Variants in SNAPC3 observed in about 807,000 individuals in gnomAD.
The protein encoded by SNAPC3 is small nuclear RNA activating complex polypeptide 3, also known as snRNA-activating protein complex subunit 3.
SNAPC3 carries 56 observed loss-of-function variants against 47.7 expected under a neutral mutation model. The observed-to-expected ratio is 1.18, with a 90% CI of 0.95 to 1.47. SNAPC3 has a LOEUF of 1.47. Among genes scored for constraint, SNAPC3 ranks in the 40% most tolerant of loss-of-function variants. The pLI, the probability that SNAPC3 is intolerant of heterozygous loss-of-function variation, is 0.00. For missense variants in SNAPC3, 665 were observed against 511.3 expected (o/e 1.30, Z -2.90); for synonymous variants, 235 against 189.9 (o/e 1.24, Z -1.95).
chr9:15,437,229 G>A (rs1260560022), intron 3 of SNAPC3, among the ~76,000 whole-genome samples: 6 of 151,028 alleles, frequency 4.0e-5, no homozygotes, highest in Non-Finnish European at 8.9e-5. Flanking sequence ...AAGTGAAATT[G>A]TTTTCTTAAT....
At chr9:15,454,069 C>G (rs1315532484) in intron 7 of SNAPC3, among the ~76,000 whole-genome samples, 1 of 152,026 alleles carries the variant, frequency 6.6e-6, no homozygotes, top group Non-Finnish European at 1.5e-5. Context: ...ACCCTCTCTA[C>G]AAAGAATACA....
At chr9:15,430,644 T>C (rs1459075345) in intron 2 of SNAPC3, among the ~76,000 whole-genome samples, 2 of 152,212 alleles carry the variant, frequency 1.3e-5, no homozygotes, top group Non-Finnish European at 2.9e-5. Context: ...TTACTAGTGA[T>C]GTTTAGCTTG....
chr9:15,434,994 T>G (rs1239647971), intron 3 of SNAPC3, among the ~76,000 whole-genome samples: 1 of 152,166 alleles, frequency 6.6e-6, no homozygotes, highest in Admixed American at 6.5e-5. Flanking sequence ...GAGAAACCTG[T>G]TTTTCATAGC....
chr9:15,463,393 G>A (rs1251365176), downstream of SNAPC3: 1 of 149,278 alleles, frequency 6.7e-6, no homozygotes, highest in Non-Finnish European at 1.5e-5. Flanking sequence ...CCCGGCTGAT[G>A]TATGACTCTT....
chr9:15,440,622 T>C (rs892183813), intron 3 of SNAPC3, among the ~76,000 whole-genome samples: 4 of 152,098 alleles, frequency 2.6e-5, no homozygotes, highest in African/African-American at 7.2e-5. Flanking sequence ...TCCCAAGAGT[T>C]TGAGGCCAAT....
At chr9:15,443,715 C>T (rs2033700475) in intron 3 of SNAPC3, among the ~76,000 whole-genome samples, 2 of 152,150 alleles carry the variant, frequency 1.3e-5, no homozygotes, top group African/African-American at 4.8e-5. Context: ...CCAACCAAAA[C>T]ATAAAATCCT....
downstream of SNAPC3, chr9:15,463,213 CTCTTTTT>C (rs2035351923): frequency 2.9e-5 from 3 of 105,092 alleles, no homozygotes; most frequent in East Asian, 2.8e-4. Flanking sequence ...CATGGTATGA[CTCTTTTT>C]TTTTTTTTTT....
chr9:15,465,559 C>T (rs755087616), downstream of SNAPC3: 1 of 1,580,742 alleles, frequency 6.3e-7, no homozygotes, highest in Non-Finnish European at 8.7e-7. Flanking sequence ...ATATTTCAGT[C>T]TCTCTCTCTT....
At chr9:15,457,576 CAG>C (rs1414592728) in intron 7 of SNAPC3, among the ~76,000 whole-genome samples, 5 of 152,106 alleles carry the variant, frequency 3.3e-5, no homozygotes, top group Non-Finnish European at 7.4e-5. Context: ...GCCTGGGTAA[CAG>C]AGTAAGACCC....
At position 15,459,976 on chromosome 9, in the gene SNAPC3, G is replaced by A. The variant is rs925671830; in HGVS notation, c.*110G>A. 1.3e-4 allele frequency: 110 copies of A among 857,724 alleles called. 1 individual carries two copies. Among genetic ancestry groups the A allele is most frequent in the Middle Eastern group, 8.1e-4 (3 of 3,716 alleles). 53.1% of individuals were successfully genotyped at this position (857,724 alleles called of 1,614,324 possible). The stretch of plus-strand genomic sequence containing the variant: ...GAACAGGATCCACTTTGAACAGTCC[G>A]CTAAAGCTATCAAAAAAAAGTCCAA... On this transcript the variant is annotated 3_prime_UTR_variant, in exon 9 of 9. Coordinates refer to ENST00000380821, the MANE Select transcript of SNAPC3 (RefSeq NM_001039697.2).
At position 15,432,374 on chromosome 9, in the gene SNAPC3, A is replaced by G. The variant is rs374160840; in HGVS notation, c.393-1178A>G. ...CCTAGAAGCAGTGACTCCAGTAACA[A>G]TGAGAACGCCTAGAACCCAGATACT... On this transcript the variant is annotated intron_variant, in intron 2 of 8. Transcript: ENST00000380821. Among the ~76,000 whole-genome samples the G allele has an allele frequency of 1.1e-4, 16 of 152,268 alleles. No individual in the cohort carries two copies. The East Asian group carries it at 1.7e-3, about 17-fold the overall frequency.
chr9:15,430,436 A>G (rs552842917), intron 2 of SNAPC3, among the ~76,000 whole-genome samples: 191 of 152,328 alleles, frequency 1.3e-3, no homozygotes, highest in Non-Finnish European at 1.8e-3. Context: ...TGTCAAAAAA[A>G]CAAAAAGAAA....
intron 2 of SNAPC3, among the ~76,000 whole-genome samples, chr9:15,431,505 G>T (rs1364019578): frequency 1.3e-5 from 2 of 151,252 alleles, no homozygotes; most frequent in Non-Finnish European, 2.9e-5. Flanking sequence ...ATTGAACTCA[G>T]ATTGATACAG....
chr9:15,428,506 C>G (rs1240065537), intron 2 of SNAPC3, among the ~76,000 whole-genome samples: 1 of 67,608 alleles, frequency 1.5e-5, no homozygotes, highest in Non-Finnish European at 4.2e-5. Context: ...GAGACTCTGT[C>G]TCAAAAAAAA....
chr9:15,448,806 G>C (rs1563850587), intron 5 of SNAPC3, among the ~76,000 whole-genome samples: 1 of 152,042 alleles, frequency 6.6e-6, no homozygotes, highest in Non-Finnish European at 1.5e-5. Context: ...GGAAATACGA[G>C]ATTTATCTTT....
At chr9:15,432,066 G>A (rs187802465) in intron 2 of SNAPC3, 1 of 151,936 alleles carries the variant, frequency 6.6e-6, no homozygotes, top group East Asian at 1.9e-4. Flanking sequence ...TTCTCACAGG[G>A]GTATAGGTTA....
At chr9:15,445,170 TA>T (rs1292632834) in intron 4 of SNAPC3, among the ~76,000 whole-genome samples, 1 of 152,254 alleles carries the variant, frequency 6.6e-6, no homozygotes, top group Non-Finnish European at 1.5e-5. Context: ...CCATCTGTTC[TA>T]ATAAGGAATA....
At chr9:15,455,720 A>G (rs1179174425) in intron 7 of SNAPC3, among the ~76,000 whole-genome samples, 1 of 147,924 alleles carries the variant, frequency 6.8e-6, no homozygotes, top group Non-Finnish European at 1.5e-5. Flanking sequence ...TTTTTTTGAG[A>G]CGGAGTTTCG....
Position 15,457,895 on chromosome 9 carries a change from A to T in SNAPC3, c.981-65A>T, listed in dbSNP as rs57846241. The T allele has an allele frequency of 1.3e-3, 1,167 of 871,456 alleles. 10 individuals carry two copies. In the African/African-American group the frequency reaches 0.018, roughly 14 times the overall value. The allele number at this position is 871,456 out of a possible 1,614,324, so 54.0% of individuals were successfully genotyped here. On this transcript the variant is annotated intron_variant, in intron 7 of 8. Transcript: ENST00000380821. ...ATACTCAGGCACAGATATATTTAAT[A>T]GCTCATAAAAATTTGTCACTTAATA...
Sources: allele counts gnomAD v4.1 joint callset (sites outside exome capture counted in the v4.1 genomes callset), GRCh38; gene constraint gnomAD v4.1.1; transcripts MANE v1.5; gene names NCBI Gene and HGNC (gene_info 2026-07-23, HGNC 2026-07-21).